The following EML1 variants were observed in gnomAD, a reference collection of about 807,000 sequenced individuals.
EML1 encodes echinoderm microtubule-associated protein-like 1.
In EML1, 27 loss-of-function variants were observed where a neutral mutation model predicts 110.4. The observed-to-expected ratio is 0.24, with a 90% CI of 0.18 to 0.34. EML1 has a LOEUF of 0.34. Ranked by LOEUF, EML1 falls within the 10% of genes least tolerant of loss-of-function variation. The pLI, the probability that EML1 is intolerant of heterozygous loss-of-function variation, is 1.00. For missense variants in EML1, 741 were observed against 1,030.9 expected, an observed-to-expected ratio of 0.72 and a Z score of 3.85; for synonymous variants, 344 against 385.8, an observed-to-expected ratio of 0.89 and a Z score of 1.27.
rs957277200 is a variant in EML1, at chr14:99,940,033, T to C, written c.2369T>C (p.Val790Ala). The change falls in exon 22 of 22, where the codon GTC (valine) becomes GCC (alanine). Residue 790 changes from valine to alanine, a missense_variant. By Grantham distance (64) the Val-to-Ala change is moderately conservative. This residue lies in a region of EML1 where 114 missense variants were observed against 122.5 expected (regional missense o/e 0.93). Transcript: ENST00000262233. The stretch of plus-strand genomic sequence containing the variant: ...GGGCACAGCAGCCATGTCACCAATG[T>C]CGATTTCCTCTGTGAAGACAGCCAC... Reference protein sequence around the residue: ...YGGHSSHVTNVDFLCEDSHLI... With the variant: ...YGGHSSHVTNADFLCEDSHLI... The C allele has an allele frequency of 2.5e-6, 4 of 1,603,194 alleles. No individual in the cohort carries two copies. In the African/African-American group the frequency reaches 5.4e-5, roughly 22 times the overall value.
At chr14:99,743,423 C>A (rs2057067349) in intron 1 of EML1, among the ~76,000 whole-genome samples, 2 of 152,188 alleles carry the variant, frequency 1.3e-5, no homozygotes, top group African/African-American at 4.8e-5. Flanking sequence ...GACCACTGCC[C>A]TTCTCACAGA....
intron 1 of EML1, among the ~76,000 whole-genome samples, chr14:99,824,358 C>T (rs1199905019): frequency 1.3e-5 from 2 of 151,422 alleles, no homozygotes; most frequent in African/African-American, 2.4e-5. Context: ...AGATGCATCA[C>T]GTTTTTATTA....
chr14:99,920,659 C>T, intron 16 of EML1, 130 bp from the exon 17 acceptor site: 1 of 706,174 alleles, frequency 1.4e-6, no homozygotes, highest in Non-Finnish European at 2.2e-6. Context: ...TGGGAACAAG[C>T]TTTCTTATTA....
At chr14:99,894,526 A>G (rs1478100603) in intron 5 of EML1, 103 bp from the exon 6 acceptor site, 10 of 1,317,540 alleles carry the variant, frequency 7.6e-6, no homozygotes, top group African/African-American at 1.5e-5. Context: ...ACAGAAGGGT[A>G]AAAGTTTCTC....
chr14:99,835,795 C>A (rs925350662), intron 1 of EML1, among the ~76,000 whole-genome samples: 12 of 152,262 alleles, frequency 7.9e-5, no homozygotes, highest in African/African-American at 2.9e-4. Context: ...GCTGAAAATA[C>A]TCTTCTTTCT....
At chr14:99,774,762 G>A (rs1384955402) in intron 1 of EML1, among the ~76,000 whole-genome samples, 4 of 152,332 alleles carry the variant, frequency 2.6e-5, no homozygotes, top group South Asian at 4.1e-4. Flanking sequence ...CCATGTCTGT[G>A]TGAAGCCTTG....
At chr14:99,752,903 T>C (rs2057193019) in intron 1 of EML1, among the ~76,000 whole-genome samples, 1 of 152,034 alleles carries the variant, frequency 6.6e-6, no homozygotes. Context: ...AACGCTACAC[T>C]GTATGAATCA....
At chr14:99,815,748 G>A (rs541425670) in intron 1 of EML1, among the ~76,000 whole-genome samples, 1 of 152,300 alleles carries the variant, frequency 6.6e-6, no homozygotes, top group East Asian at 1.9e-4. Context: ...GTTTTTGTGA[G>A]CTAAGGGGAT....
chr14:99,936,743 G>A lies in EML1; in HGVS notation c.2095+409G>A, dbSNP rs61330932. Among the ~76,000 whole-genome samples, 2,408 of 152,254 alleles carry A rather than the reference G, an allele frequency of 0.016. 67 individuals are homozygous for A. Among genetic ancestry groups the A allele is most frequent in the African/African-American group, 0.055 (2,289 of 41,566 alleles). The stretch of plus-strand genomic sequence containing the variant: ...AGGGACCATGAAGTCCATCCCCGCT[G>A]GGTGGACGGCAGCCCTGGGACCCCT... On this transcript the variant is annotated intron_variant, in intron 19 of 21. Transcript: ENST00000262233. This position sits in a 1 kb window ranked among gnomAD's most constrained non-coding sequence, Gnocchi z 5.5.
intron 1 of EML1, among the ~76,000 whole-genome samples, chr14:99,739,065 AGTGTGT>A (rs35246718): frequency 7.2e-6 from 1 of 138,918 alleles, no homozygotes; most frequent in African/African-American, 2.8e-5. Context: ...AGAGTGTGAG[AGTGTGT>A]GTGTGTGTGT....
chr14:99,923,457 C>G (rs1425856178), intron 17 of EML1, among the ~76,000 whole-genome samples: 1 of 91,588 alleles, frequency 1.1e-5, no homozygotes, highest in Non-Finnish European at 1.9e-5. Context: ...CAAGAGTACA[C>G]TAGACTTGTT....
chr14:99,794,600 A>AT (rs1331049549), intron 1 of EML1, among the ~76,000 whole-genome samples: 2 of 152,102 alleles, frequency 1.3e-5, no homozygotes, highest in Non-Finnish European at 2.9e-5. Flanking sequence ...CTGTAGTGGT[A>AT]TTTTTTATCT....
At chr14:99,891,085 A>G in intron 4 of EML1, 114 bp from the exon 5 acceptor site, 1 of 1,209,252 alleles carries the variant, frequency 8.3e-7, no homozygotes, top group South Asian at 1.3e-5. Flanking sequence ...AACGTGTATA[A>G]CTTATGCAGC....
chr14:99,780,646 G>A (rs2057529504), intron 1 of EML1, among the ~76,000 whole-genome samples: 1 of 152,156 alleles, frequency 6.6e-6, no homozygotes, highest in South Asian at 2.1e-4. Context: ...ATCATGATGA[G>A]TGGGTCAGGG....
chr14:99,936,015 T>C lies in EML1; in HGVS notation c.1910-14T>C, dbSNP rs753619925. 2 of 1,611,752 alleles carry C rather than the reference T, an allele frequency of 1.2e-6. No individual in the cohort carries two copies. Among genetic ancestry groups the C allele is most frequent in the African/African-American group, 2.7e-5 (2 of 74,878 alleles). On this transcript the variant is annotated splice_polypyrimidine_tract_variant and intron_variant, in intron 17 of 21. Coordinates refer to ENST00000262233, the MANE Select transcript of EML1 (RefSeq NM_004434.3). This position sits in a 1 kb window ranked among gnomAD's most constrained non-coding sequence, Gnocchi z 5.5. ...TTGTTAACATCTGAAATGTAATTTG[T>C]CATCTTTTTATAGATGGGAATTTCT... is the stretch of plus-strand genomic sequence containing the variant.
chr14:99,853,447 T>A (rs922825524), intron 2 of EML1, among the ~76,000 whole-genome samples: 2 of 151,714 alleles, frequency 1.3e-5, no homozygotes, highest in African/African-American at 4.8e-5. Flanking sequence ...CTGGCTGTGC[T>A]CATCTTTGAG....
chr14:99,784,355 A>T lies in EML1; in HGVS notation c.-27+10342A>T, dbSNP rs1439414481. The stretch of plus-strand genomic sequence containing the variant: ...GGATCTGCCCACCTTGGCCTCCTCA[A>T]GTGCTGGGATAACAGGTGTAAGCCA... On this transcript the variant is annotated intron_variant, in intron 1 of 22. Transcript: ENST00000327921. This position sits in a 1 kb window ranked among gnomAD's most constrained non-coding sequence, Gnocchi z 4.5. 6.6e-6 allele frequency among the ~76,000 whole-genome samples: 1 copy of T among 152,234 alleles called. No homozygotes were observed. Among genetic ancestry groups the T allele is most frequent in the Non-Finnish European group, 1.5e-5 (1 of 68,038 alleles).
intron 1 of EML1, among the ~76,000 whole-genome samples, chr14:99,755,512 C>T (rs1309398103): frequency 6.6e-6 from 1 of 152,162 alleles, no homozygotes; most frequent in Non-Finnish European, 1.5e-5. Context: ...TTCCAAGTGC[C>T]TAGTGCACAG....
At chr14:99,851,659 A>G (rs1004190768) in intron 2 of EML1, among the ~76,000 whole-genome samples, 1 of 151,938 alleles carries the variant, frequency 6.6e-6, no homozygotes, top group Non-Finnish European at 1.5e-5. Context: ...TGCAGAAAGA[A>G]CCATGATCCT....
Sources: allele counts gnomAD v4.1 joint callset (sites outside exome capture counted in the v4.1 genomes callset), GRCh38; gene constraint gnomAD v4.1.1; regional missense constraint gnomAD v4.1.1; non-coding constraint Gnocchi (gnomAD v3.1); transcripts MANE v1.5; gene names NCBI Gene and HGNC (gene_info 2026-07-23, HGNC 2026-07-21).